NCR1: variants seen among roughly 807,000 people sequenced by gnomAD.
NCR1 encodes the protein natural cytotoxicity triggering receptor 1, also known as NK cell-activating receptor.
A neutral mutation model predicts 32.5 loss-of-function variants in NCR1; 30 were observed. That is an observed-to-expected ratio of 0.92 (90% CI 0.69 to 1.25). The LOEUF (loss-of-function observed/expected upper bound fraction) is 1.25. Ranked by LOEUF, NCR1 falls within the 50% of genes most tolerant of loss-of-function variation. NCR1 has a pLI of 0.00. For synonymous variants in NCR1, 169 were observed against 143.4 expected (o/e 1.18, Z -1.28); for missense variants, 369 against 380.7 (o/e 0.97, Z 0.26).
At chr19:54,906,138 C>G, upstream of NCR1, 2 of 1,613,414 alleles carry the variant, frequency 1.2e-6, no homozygotes, top group Non-Finnish European at 8.5e-7. Context: ...CTCCCTGGCC[C>G]GCCCGGCTCA....
the NCR1 span, chr19:54,923,390 A>G: frequency 2.7e-6 from 1 of 371,896 alleles, no homozygotes; most frequent in Non-Finnish European, 5.1e-6. Flanking sequence ...TAGGGAAGAA[A>G]AGAAATAGAA....
the NCR1 span, among the ~76,000 whole-genome samples, chr19:54,899,120 G>C: frequency 2.6e-5 from 4 of 152,118 alleles, no homozygotes; most frequent in African/African-American, 7.2e-5. Context: ...GGGAGGGACC[G>C]ATGTGTAAAA....
downstream of NCR1, among the ~76,000 whole-genome samples, chr19:54,919,526 A>T (rs943492450): frequency 4.6e-5 from 7 of 152,166 alleles, no homozygotes; most frequent in South Asian, 2.1e-4. Flanking sequence ...TACTACTGCT[A>T]TCTAGAAGGC....
At chr19:54,925,535 G>A in the NCR1 span, among the ~76,000 whole-genome samples, 1 of 152,174 alleles carries the variant, frequency 6.6e-6, no homozygotes, top group South Asian at 2.1e-4. Context: ...GCTGTGCACA[G>A]TGGCTCACGC....
the NCR1 span, among the ~76,000 whole-genome samples, chr19:54,922,101 G>C: frequency 9.2e-5 from 14 of 151,808 alleles, no homozygotes; most frequent in Non-Finnish European, 1.6e-4. Flanking sequence ...TCTCCATGTT[G>C]AGGCTGGTCT....
At chr19:54,919,293 A>G (rs1440168079), downstream of NCR1, among the ~76,000 whole-genome samples, 1 of 152,176 alleles carries the variant, frequency 6.6e-6, no homozygotes, top group Admixed American at 6.5e-5. Context: ...AGTGGCCCCG[A>G]ATGTCTGGCT....
chr19:54,914,724 C>T (rs572555966), downstream of NCR1, among the ~76,000 whole-genome samples: 29 of 150,650 alleles, frequency 1.9e-4, no homozygotes, highest in African/African-American at 6.1e-4. Flanking sequence ...TCCACAACTC[C>T]GACTTCACAA....
At chr19:54,913,982 A>T (rs1054174788), downstream of NCR1, among the ~76,000 whole-genome samples, 2 of 151,358 alleles carry the variant, frequency 1.3e-5, no homozygotes, top group Admixed American at 6.6e-5. Context: ...GCAGGAGAAT[A>T]GCTTGAACCC....
chr19:54,919,117 ACAC>A (rs1176180346), downstream of NCR1, among the ~76,000 whole-genome samples: 3 of 152,114 alleles, frequency 2.0e-5, no homozygotes, highest in Admixed American at 2.0e-4. Flanking sequence ...TGGTACATAG[ACAC>A]CACGTTTTCT....
upstream of NCR1, among the ~76,000 whole-genome samples, chr19:54,904,900 G>A (rs1379655334): frequency 6.6e-6 from 1 of 152,170 alleles, no homozygotes; most frequent in Non-Finnish European, 1.5e-5. Flanking sequence ...CCATGTTGCT[G>A]CAAAGGACAT....
At chr19:54,926,084 A>G in the NCR1 span, among the ~76,000 whole-genome samples, 4 of 152,110 alleles carry the variant, frequency 2.6e-5, no homozygotes, top group African/African-American at 7.2e-5. Flanking sequence ...AAAAATACAA[A>G]TAAGTCATTG....
At chr19:54,937,984 A>G in the NCR1 span, 3 of 1,339,280 alleles carry the variant, frequency 2.2e-6, no homozygotes, top group Non-Finnish European at 3.2e-6. Flanking sequence ...TTAAAAAACA[A>G]AAGTACAAGA....
the NCR1 span, among the ~76,000 whole-genome samples, chr19:54,921,740 C>T: frequency 1.4e-5 from 2 of 145,912 alleles, no homozygotes; most frequent in East Asian, 4.0e-4. Context: ...CCACTGCACT[C>T]CAGCCTGGGC....
the NCR1 span, among the ~76,000 whole-genome samples, chr19:54,922,886 A>G: frequency 2.0e-5 from 3 of 151,046 alleles, no homozygotes; most frequent in Non-Finnish European, 4.4e-5. Context: ...AGACAGACAC[A>G]GAGACACACA....
upstream of NCR1, among the ~76,000 whole-genome samples, chr19:54,902,075 T>C (rs2067311030): frequency 1.3e-5 from 2 of 152,238 alleles, no homozygotes; most frequent in Non-Finnish European, 2.9e-5. Context: ...ATAAAGTGGA[T>C]AGATCAGACA....
At chr19:54,906,401 A>C in intron 2 of NCR1, 67 bp downstream of exon 2, 1 of 1,606,022 alleles carries the variant, frequency 6.2e-7, no homozygotes, top group Non-Finnish European at 8.5e-7. Flanking sequence ...CCACCCAAGC[A>C]CGGCTGGGGT....
At chr19:54,919,714 A>AC (rs58529355), downstream of NCR1, among the ~76,000 whole-genome samples, 14,160 of 99,074 alleles carry the variant, frequency 0.14, 946 homozygotes, top group African/African-American at 0.25. Context: ...GGAAAGGGAG[A>AC]CCCCCCCCCC....
downstream of NCR1, among the ~76,000 whole-genome samples, chr19:54,916,317 CTTTTTTTT>C (rs71181711): frequency 2.3e-5 from 2 of 87,122 alleles, no homozygotes; most frequent in Admixed American, 1.3e-4. Context: ...GAATATTGTG[CTTTTTTTT>C]TTTTTTTTTT....
At chr19:54,906,476 G>C (rs750744420) in intron 2 of NCR1, 47 bp from the exon 3 acceptor site, 11 of 1,599,244 alleles carry the variant, frequency 6.9e-6, no homozygotes, top group Middle Eastern at 1.8e-4. Context: ...GCCTAAGGTT[G>C]GGGGGAGGGG....
Sources: gnomAD v4.1 joint callset for allele counts (sites outside exome capture counted in the v4.1 genomes callset) on GRCh38, gnomAD v4.1.1 for gene constraint, MANE v1.5 for transcripts, NCBI Gene and HGNC (gene_info 2026-07-23, HGNC 2026-07-21) for gene names.